The following FSIP1 variants were observed in gnomAD, a reference collection of about 807,000 sequenced individuals.
The protein encoded by FSIP1 is fibrous sheath-interacting protein 1.
FSIP1 carries 65 observed loss-of-function variants against 60.9 expected under a neutral mutation model. The observed-to-expected ratio is 1.07, with a 90% confidence interval of 0.87 to 1.31. The LOEUF is 1.31. FSIP1 is among the 40% of genes most tolerant of loss of function. The pLI is 0.00. For synonymous variants in FSIP1, 209 were observed against 221.2 expected (o/e 0.94, Z 0.49); for missense variants, 675 against 665.5 (o/e 1.01, Z -0.16).
intron 1 of FSIP1, among the ~76,000 whole-genome samples, chr15:39,777,352 A>G (rs1488953697): frequency 1.3e-5 from 2 of 151,490 alleles, no homozygotes; most frequent in African/African-American, 2.4e-5. Flanking sequence ...CATTTTATCA[A>G]CCCTCCCCTT....
intron 10 of FSIP1, among the ~76,000 whole-genome samples, chr15:39,680,082 G>A (rs891098427): frequency 2.0e-5 from 3 of 152,026 alleles, no homozygotes; most frequent in African/African-American, 7.3e-5. Context: ...GATAGAACTG[G>A]GGAAATGCAA....
At chr15:39,692,467 A>G (rs1223401417) in intron 10 of FSIP1, among the ~76,000 whole-genome samples, 2 of 152,230 alleles carry the variant, frequency 1.3e-5, no homozygotes, top group Non-Finnish European at 2.9e-5. Context: ...AAGAAAATAC[A>G]GAGCACTTTA....
At chr15:39,625,899 C>T (rs886502639) in intron 10 of FSIP1, among the ~76,000 whole-genome samples, 1 of 152,200 alleles carries the variant, frequency 6.6e-6, no homozygotes, top group Non-Finnish European at 1.5e-5. Flanking sequence ...CTAGCTCCCA[C>T]TGCTTGGCAA....
chr15:39,764,918 T>A (rs1897628870), intron 4 of FSIP1, among the ~76,000 whole-genome samples: 3 of 152,162 alleles, frequency 2.0e-5, no homozygotes, highest in Admixed American at 2.0e-4. Context: ...AAAGCAGATA[T>A]ACATACTTGA....
chr15:39,627,027 G>C (rs1309302595), intron 10 of FSIP1, among the ~76,000 whole-genome samples: 1 of 152,042 alleles, frequency 6.6e-6, no homozygotes, highest in East Asian at 1.9e-4. Context: ...ACCCATATAA[G>C]AGAGACCCCT....
intron 5 of FSIP1, among the ~76,000 whole-genome samples, chr15:39,755,788 A>C (rs1344010081): frequency 6.6e-6 from 1 of 152,166 alleles, no homozygotes. Flanking sequence ...GTTTATATGC[A>C]TTTCTATATT....
At chr15:39,768,128 G>A (rs1897755124) in intron 3 of FSIP1, among the ~76,000 whole-genome samples, 1 of 152,206 alleles carries the variant, frequency 6.6e-6, no homozygotes, top group African/African-American at 2.4e-5. Flanking sequence ...TCATCTGCCT[G>A]CCCCCTCTAG....
At chr15:39,730,266 T>A (rs1896354136) in intron 8 of FSIP1, among the ~76,000 whole-genome samples, 1 of 152,176 alleles carries the variant, frequency 6.6e-6, no homozygotes, top group Admixed American at 6.5e-5. Context: ...ATCCACAGAT[T>A]ATGTTAGGCA....
chr15:39,661,767 C>G (rs1041677660), intron 10 of FSIP1, among the ~76,000 whole-genome samples: 3 of 152,172 alleles, frequency 2.0e-5, no homozygotes, highest in Non-Finnish European at 4.4e-5. Context: ...CCTAACCACA[C>G]ATATTAATTT....
intron 8 of FSIP1, among the ~76,000 whole-genome samples, chr15:39,734,917 A>C (rs761983588): frequency 2.3e-4 from 35 of 152,218 alleles, no homozygotes; most frequent in Non-Finnish European, 4.4e-4. Flanking sequence ...AAAATGATAG[A>C]GATGACCTTA....
rs572956220 is a variant in FSIP1 at position 39,757,041 on chromosome 15, A to G, written c.559+6780T>C. Among the ~76,000 whole-genome samples, 94 of 152,272 alleles carry G rather than the reference A, an allele frequency of 6.2e-4. 1 individual carries two copies. Among genetic ancestry groups the G allele is most frequent in the African/African-American group, 2.2e-3 (92 of 41,552 alleles). ...TTTTTTAAATGCTTTAAGGCTTTTTAAAGTACTTATTGTAACTAGATGCTG... is the reference window on the plus strand; with the variant it reads ...TTTTTTAAATGCTTTAAGGCTTTTTGAAGTACTTATTGTAACTAGATGCTG... On this transcript the variant is annotated intron_variant, in intron 5 of 11. Transcript: ENST00000350221.
At chr15:39,774,489 A>G (rs1897989205) in intron 2 of FSIP1, among the ~76,000 whole-genome samples, 1 of 150,710 alleles carries the variant, frequency 6.6e-6, no homozygotes, top group East Asian at 1.9e-4. Flanking sequence ...AAAAAAAAAA[A>G]TACATACAGA....
chr15:39,646,006 C>T (rs952006517), intron 10 of FSIP1, among the ~76,000 whole-genome samples: 1 of 152,208 alleles, frequency 6.6e-6, no homozygotes, highest in Non-Finnish European at 1.5e-5. Flanking sequence ...TTGGCTTGCC[C>T]ATGGACCAAC....
Position 39,692,008 on chromosome 15 carries a change from C to T in FSIP1, c.1188+21436G>A, listed in dbSNP as rs111913225. Among the ~76,000 whole-genome samples, 679 of 152,106 alleles carry T rather than the reference C, an allele frequency of 4.5e-3. 6 individuals are homozygous for T. The highest frequency in any genetic ancestry group is 0.016 in the African/African-American group (652 of 41,454). Reference sequence around the variant, plus strand: ...AAAATGTAAAATTTTACAGAATGCCCGCAAGTGATTCTCTTTAAGTGCTGC... The same window carrying T: ...AAAATGTAAAATTTTACAGAATGCCTGCAAGTGATTCTCTTTAAGTGCTGC... On this transcript the variant is annotated intron_variant, in intron 10 of 11. Transcript: ENST00000350221.
intron 10 of FSIP1, among the ~76,000 whole-genome samples, chr15:39,633,512 G>A (rs368781174): frequency 1.8e-4 from 28 of 152,096 alleles, no homozygotes; most frequent in East Asian, 1.2e-3. Flanking sequence ...TGACTGACCC[G>A]TTAAAATCAA....
At chr15:39,737,267 C>T (rs1343506790) in intron 8 of FSIP1, among the ~76,000 whole-genome samples, 5 of 152,120 alleles carry the variant, frequency 3.3e-5, no homozygotes, top group Admixed American at 2.6e-4. Context: ...CCCCACCTCA[C>T]CCCCATTACA....
intron 5 of FSIP1, among the ~76,000 whole-genome samples, chr15:39,761,421 C>A (rs1897493376): frequency 1.3e-5 from 2 of 152,108 alleles, no homozygotes; most frequent in Non-Finnish European, 2.9e-5. Flanking sequence ...TCATTTGCAA[C>A]AACATGAATA....
chr15:39,689,217 C>T (rs1175758924), intron 10 of FSIP1, among the ~76,000 whole-genome samples: 1 of 152,170 alleles, frequency 6.6e-6, no homozygotes, highest in Non-Finnish European at 1.5e-5. Context: ...GGAAGGAGCA[C>T]AGAATGTCAT....
At chr15:39,733,373 G>A (rs1393007270) in intron 8 of FSIP1, among the ~76,000 whole-genome samples, 1 of 152,202 alleles carries the variant, frequency 6.6e-6, no homozygotes, top group African/African-American at 2.4e-5. Context: ...GAGCTACATG[G>A]CTAAGCAGCA....
Sources: allele counts gnomAD v4.1 joint callset (sites outside exome capture counted in the v4.1 genomes callset), GRCh38; gene constraint gnomAD v4.1.1; transcripts MANE v1.5; gene names NCBI Gene and HGNC (gene_info 2026-07-23, HGNC 2026-07-21).